HIVEP3: variants seen among roughly 807,000 people sequenced by gnomAD.
HIVEP3 encodes the protein transcription factor HIVEP3.
HIVEP3 carries 49 observed loss-of-function variants against 152.8 expected under a neutral mutation model. That is an observed-to-expected ratio of 0.32 (90% confidence interval 0.26 to 0.41). The LOEUF is 0.41. Among genes scored for constraint, HIVEP3 ranks in the 10% least tolerant of loss-of-function variants. The probability of loss-of-function intolerance (pLI) is 1.00; values close to 1 mark genes in which losing one functional copy is unlikely to be tolerated. For synonymous variants in HIVEP3, 1,269 were observed against 1,289.0 expected, an observed-to-expected ratio of 0.98 and a Z score of 0.33; for missense variants, 2,790 against 3,103.3, an observed-to-expected ratio of 0.90 and a Z score of 2.40.
chr1:41,595,136 T>C (rs1558100530), intron 3 of HIVEP3, among the ~76,000 whole-genome samples: 1 of 152,238 alleles, frequency 6.6e-6, no homozygotes, highest in Non-Finnish European at 1.5e-5. Context: ...AAATCTGGCA[T>C]ATACTTTTCT....
intron 1 of HIVEP3, among the ~76,000 whole-genome samples, chr1:41,815,021 T>A (rs1471041406): frequency 6.6e-6 from 1 of 152,056 alleles, no homozygotes; most frequent in Non-Finnish European, 1.5e-5. Flanking sequence ...AGACAGTAAA[T>A]AAGTAAATAA....
chr1:41,805,493 G>A (rs1028402273), intron 1 of HIVEP3, among the ~76,000 whole-genome samples: 3 of 152,198 alleles, frequency 2.0e-5, no homozygotes, highest in African/African-American at 4.8e-5. Flanking sequence ...GAGGCTGCTA[G>A]GGTCTGGGTT....
At chr1:41,647,826 C>T (rs1476820593) in intron 2 of HIVEP3, among the ~76,000 whole-genome samples, 1 of 152,284 alleles carries the variant, frequency 6.6e-6, no homozygotes, top group African/African-American at 2.4e-5. Flanking sequence ...CCGCAGAACA[C>T]TCTTGGTCTC....
chr1:41,934,044 C>T (rs1298778296), intron 1 of HIVEP3, among the ~76,000 whole-genome samples: 1 of 152,084 alleles, frequency 6.6e-6, no homozygotes, highest in Non-Finnish European at 1.5e-5. Flanking sequence ...CTAATTAAGG[C>T]TTTTGTTCAT....
chr1:41,598,963 G>A (rs1479881600), intron 3 of HIVEP3, among the ~76,000 whole-genome samples: 3 of 152,020 alleles, frequency 2.0e-5, no homozygotes, highest in South Asian at 4.2e-4. Flanking sequence ...CTACAGACAC[G>A]TGCCACCATG....
At chr1:41,851,286 CTTCTTTTTTTTTT>C (rs1175333390) in intron 1 of HIVEP3, among the ~76,000 whole-genome samples, 8 of 102,086 alleles carry the variant, frequency 7.8e-5, no homozygotes, top group African/African-American at 2.6e-4. Flanking sequence ...CCTTCTTCTT[CTTCTTTTTTTTTT>C]TTTTTTTTTT....
chr1:41,789,779 T>C (rs1649578634), intron 1 of HIVEP3, among the ~76,000 whole-genome samples: 1 of 152,202 alleles, frequency 6.6e-6, no homozygotes, highest in African/African-American at 2.4e-5. Flanking sequence ...GCTGAGACCT[T>C]GGTCAACAAT....
intron 1 of HIVEP3, among the ~76,000 whole-genome samples, chr1:41,877,399 T>C (rs1389371888): frequency 6.6e-6 from 1 of 152,228 alleles, no homozygotes; most frequent in Non-Finnish European, 1.5e-5. Context: ...TTCTTCCTCA[T>C]AGCCTTTCAC....
chr1:41,795,031 A>T (rs1384974294), intron 1 of HIVEP3, among the ~76,000 whole-genome samples: 2 of 152,230 alleles, frequency 1.3e-5, no homozygotes, highest in Admixed American at 1.3e-4. Flanking sequence ...CTAAGACTAT[A>T]TAGTCATGTG....
intron 7 of HIVEP3, among the ~76,000 whole-genome samples, chr1:41,515,256 A>C (rs1642570550): frequency 6.6e-6 from 1 of 152,256 alleles, no homozygotes; most frequent in South Asian, 2.1e-4. Context: ...AAAGCCCGGA[A>C]CTAGCACTTC....
chr1:41,521,814 G>C (rs1642766170), intron 6 of HIVEP3, among the ~76,000 whole-genome samples: 1 of 152,252 alleles, frequency 6.6e-6, no homozygotes. Context: ...CCCTGCCGCT[G>C]GCAGACCTGA....
chr1:41,788,258 G>A (rs1452379098), intron 1 of HIVEP3, among the ~76,000 whole-genome samples: 1 of 152,242 alleles, frequency 6.6e-6, no homozygotes, highest in Non-Finnish European at 1.5e-5. Flanking sequence ...CAGGAACGCA[G>A]GAGGGGAGCA....
intron 3 of HIVEP3, among the ~76,000 whole-genome samples, chr1:41,628,267 A>C (rs1645145538): frequency 6.6e-6 from 1 of 152,166 alleles, no homozygotes; most frequent in African/African-American, 2.4e-5. Flanking sequence ...GGGACTGAAG[A>C]CCTGCTGCTA....
At chr1:41,747,349 C>T (rs1647088044) in intron 1 of HIVEP3, among the ~76,000 whole-genome samples, 1 of 152,234 alleles carries the variant, frequency 6.6e-6, no homozygotes, top group Non-Finnish European at 1.5e-5. Context: ...TCTTGCCATG[C>T]ACCCATGGCA....
chr1:41,927,782 C>T (rs1279609766), intron 1 of HIVEP3, among the ~76,000 whole-genome samples: 1 of 152,130 alleles, frequency 6.6e-6, no homozygotes, highest in African/African-American at 2.4e-5. Flanking sequence ...GGCTTGTAGG[C>T]AGGGCACAGT....
intron 1 of HIVEP3, among the ~76,000 whole-genome samples, chr1:41,862,052 AGGT>A (rs1466228474): frequency 1.3e-5 from 2 of 152,126 alleles, no homozygotes; most frequent in African/African-American, 4.8e-5. Flanking sequence ...GGGGGATGTG[AGGT>A]GGAGGTGGCA....
At chr1:41,748,163 T>A (rs1249063441) in intron 1 of HIVEP3, among the ~76,000 whole-genome samples, 1 of 152,156 alleles carries the variant, frequency 6.6e-6, no homozygotes, top group Non-Finnish European at 1.5e-5. Flanking sequence ...GGGAAGCCCG[T>A]CAGAAGTCAC....
intron 1 of HIVEP3, among the ~76,000 whole-genome samples, chr1:41,749,645 G>A (rs1275676507): frequency 1.3e-5 from 2 of 152,172 alleles, no homozygotes; most frequent in Non-Finnish European, 2.9e-5. Flanking sequence ...CTCACCCCAC[G>A]GAACAGAGCT....
chr1:41,525,124 T>C (rs2759248), intron 5 of HIVEP3, among the ~76,000 whole-genome samples: 64,850 of 151,610 alleles, frequency 0.43, 14,404 homozygotes, highest in Non-Finnish European at 0.48. Flanking sequence ...AGACGGGGGG[T>C]TGCACTATTC....
Sources: allele counts gnomAD v4.1 joint callset (sites outside exome capture counted in the v4.1 genomes callset), GRCh38; gene constraint gnomAD v4.1.1; transcripts MANE v1.5; gene names NCBI Gene and HGNC (gene_info 2026-07-23, HGNC 2026-07-21).